The following CCNB3 variants were observed in gnomAD, a reference collection of about 807,000 sequenced individuals.
CCNB3 encodes cyclin B3, also known as G2/mitotic-specific cyclin-B3.
In CCNB3, 12 loss-of-function variants were observed where a neutral mutation model predicts 68.0. The ratio of observed to expected loss-of-function variants is 0.18; its 90% CI spans 0.11 to 0.29. The LOEUF (loss-of-function observed/expected upper bound fraction) is 0.29, where lower values mean the gene tolerates loss of function less well. Ranked by LOEUF, CCNB3 falls within the 10% of genes least tolerant of loss-of-function variation. The pLI, the probability that CCNB3 is intolerant of heterozygous loss-of-function variation, is 1.00. For synonymous variants in CCNB3, 354 were observed against 388.9 expected, an observed-to-expected ratio of 0.91 and a Z score of 1.06; for missense variants, 904 against 993.1, an observed-to-expected ratio of 0.91 and a Z score of 1.21.
chrX:50,325,768 C>T (rs1398225823), intron 8 of CCNB3, among the ~76,000 whole-genome samples: 2 of 111,639 alleles, frequency 1.8e-5, no homozygotes, highest in African/African-American at 3.3e-5. Context: ...TGCAAATGTT[C>T]ATATATATGT....
chrX:50,289,719 TG>T (rs782672790), intron 4 of CCNB3, among the ~76,000 whole-genome samples: 24 of 111,847 alleles, frequency 2.1e-4, no homozygotes, highest in Non-Finnish European at 4.1e-4. Flanking sequence ...ATGTTGGTTT[TG>T]AAGTCTGTAT....
chrX:50,280,005 A>G (rs1369665779), intron 1 of CCNB3, among the ~76,000 whole-genome samples: 1 of 86,244 alleles, frequency 1.2e-5, no homozygotes, highest in Non-Finnish European at 2.1e-5. Flanking sequence ...TATACATAGA[A>G]TATATAAATA....
chrX:50,228,020 G>C (rs1456199652), intron 1 of CCNB3, among the ~76,000 whole-genome samples: 1 of 82,005 alleles, frequency 1.2e-5, no homozygotes, highest in Non-Finnish European at 2.2e-5. Flanking sequence ...TAAATATATA[G>C]AGAGAATATA....
At chrX:50,317,571 T>TATGTATGTATGTATGTATGTATG (rs1557215964) in intron 8 of CCNB3, among the ~76,000 whole-genome samples, 1 of 5,788 alleles carries the variant, frequency 1.7e-4, no homozygotes, top group African/African-American at 6.3e-4. Flanking sequence ...ATGTATGTAT[T>TATGTATGTATGTATGTATGTATG]TATTTATTTA....
chrX:50,280,046 T>C lies in CCNB3; in HGVS notation c.-112-4496T>C, dbSNP rs1207838926. The stretch of plus-strand genomic sequence containing the variant: ...AATATATATAAATATATAGACAGAA[T>C]ATATATAAATATATATGGAATATAT... On this transcript the variant is annotated intron_variant, in intron 1 of 12. Transcript: ENST00000376042. Among the ~76,000 whole-genome samples, 3 of 82,706 alleles carry C rather than the reference T, an allele frequency of 3.6e-5. No homozygotes were observed. The Admixed American group carries it at 4.9e-4, about 13-fold the overall frequency. The allele number at this position is 82,706 out of a possible 115,157, so 71.8% of individuals were successfully genotyped here. A position where few individuals can be genotyped will look rare whatever the true frequency, so the allele number is the denominator to read the frequency against.
chrX:50,285,227 A>G lies in CCNB3; in HGVS notation c.64A>G (p.Ile22Val), dbSNP rs779907429. Residue 22 changes from isoleucine to valine, a missense_variant, in exon 3 of 13, where the codon ATT becomes GTT. Transcript: ENST00000376042. ...GCCTAAGAAATCTCAGTCCAGCAAA[A>G]TTGTGCCCAGTCATCATGACCCATC... ...PVPKKSQSSK[I>V]VPSHHDPSEK... The G allele has an allele frequency of 4.1e-6, 5 of 1,208,131 alleles. No individual in the cohort carries two copies. In the African/African-American group the frequency reaches 8.8e-5, roughly 21 times the overall value.
Position 50,310,887 on chromosome X carries a change from A to G in CCNB3, c.2718A>G (p.Lys906=), listed in dbSNP as rs149989073. The part of the protein sequence containing the change: ...LDLQEKPSIK[K]ETLLKKPLAL... ...TGCAAGAGAAGCCCAGCATTAAGAA[A>G]GAGACCCTCCTCAAAAAGCCATTAG... The change falls in exon 6 of 13, where the codon AAA becomes AAG. Residue 906 remains lysine (K), a synonymous_variant. Transcript: ENST00000376042. 319 of 1,210,534 alleles carry G rather than the reference A, an allele frequency of 2.6e-4. 2 individuals carry two copies. The East Asian group carries it at 8.8e-3, about 33-fold the overall frequency.
Position 50,298,529 on chromosome X carries a change from T to C in CCNB3, c.335+3536T>C, listed in dbSNP as rs1184471373. ...CTTTTTGCTGTGCTGCTGGATTCCTTTTGCCAGTATTTTATTGAGGATTTT... is the reference window on the plus strand; with the variant it reads ...CTTTTTGCTGTGCTGCTGGATTCCTCTTGCCAGTATTTTATTGAGGATTTT... On this transcript the variant is annotated intron_variant, in intron 5 of 12. Coordinates refer to ENST00000376042, the MANE Select transcript of CCNB3 (RefSeq NM_033031.3). Among the ~76,000 whole-genome samples the C allele has an allele frequency of 5.8e-4, 65 of 111,894 alleles. 6 individuals carry two copies.
At chrX:50,348,472 G>T (rs902352510) in intron 11 of CCNB3, among the ~76,000 whole-genome samples, 2 of 111,619 alleles carry the variant, frequency 1.8e-5, no homozygotes, top group Non-Finnish European at 3.8e-5. Flanking sequence ...TAAAAATCCT[G>T]GAGCCACTGA....
At chrX:50,228,707 AATAT>A (rs1303040864) in intron 1 of CCNB3, among the ~76,000 whole-genome samples, 2 of 73,731 alleles carry the variant, frequency 2.7e-5, no homozygotes, top group Non-Finnish European at 4.7e-5. Context: ...ATATATATAG[AATAT>A]ATATAAAGAA....
intron 8 of CCNB3, among the ~76,000 whole-genome samples, chrX:50,338,092 C>T (rs1922943551): frequency 8.9e-6 from 1 of 112,009 alleles, no homozygotes; most frequent in South Asian, 3.8e-4. Flanking sequence ...TCTGGTGAGG[C>T]GTTCCACTGG....
intron 1 of CCNB3, among the ~76,000 whole-genome samples, chrX:50,228,012 AATATATAGAGAGAAT>A (rs1286641699): frequency 3.5e-5 from 3 of 84,859 alleles, no homozygotes; most frequent in East Asian, 3.3e-4. Flanking sequence ...AATATATATA[AATATATAGAGAGAAT>A]ATATATAGAG....
chrX:50,300,444 G>A (rs1272191544), intron 5 of CCNB3, among the ~76,000 whole-genome samples: 14 of 111,616 alleles, frequency 1.3e-4, no homozygotes, highest in Non-Finnish European at 2.1e-4. Flanking sequence ...TTTTCTTTAA[G>A]AATGTTGAAT....
In CCNB3 at chrX:50,309,807, T is replaced by C; in HGVS notation, c.1638T>C (p.Cys546=). ...CCACACAAGAGATGATGTCCATCTGTCCAGAACTGTTGGACTTTCAGGATA... is the reference window on the plus strand; with the variant it reads ...CCACACAAGAGATGATGTCCATCTGCCCAGAACTGTTGGACTTTCAGGATA... The part of the protein sequence containing the change: ...KCTTQEMMSI[C]PELLDFQDMI... Residue 546 remains cysteine (C), a synonymous_variant, in exon 6 of 13, where the codon TGT becomes TGC. Transcript: ENST00000376042. 8.3e-7 allele frequency: 1 copy of C among 1,210,028 alleles called. No individual in the cohort carries two copies. Among genetic ancestry groups the C allele is most frequent in the Non-Finnish European group, 1.1e-6 (1 of 893,968 alleles).
chrX:50,329,080 G>A (rs1177519021), intron 8 of CCNB3, among the ~76,000 whole-genome samples: 5 of 112,329 alleles, frequency 4.5e-5, no homozygotes, highest in African/African-American at 1.3e-4. Flanking sequence ...GTTCAGCCCC[G>A]GTAGCTTCTC....
At chrX:50,343,216 G>C (rs782390508) in intron 9 of CCNB3, among the ~76,000 whole-genome samples, 1 of 109,933 alleles carries the variant, frequency 9.1e-6, no homozygotes, top group South Asian at 4.0e-4. Flanking sequence ...TCTAGGCCTA[G>C]GCTAATGTGT....
Position 50,351,110 on chromosome X carries a change from TGA to T in CCNB3, c.3961-129_3961-128del, listed in dbSNP as rs1195890361. On this transcript the variant is annotated intron_variant, in intron 11 of 12. Coordinates refer to ENST00000376042, the MANE Select transcript of CCNB3 (RefSeq NM_033031.3). ...ATTATTGATCAGCGTCCAGATGGTG[TGA>T]GTCTTTGAAATGTTTTGAATGTCAT... is the stretch of plus-strand genomic sequence containing the variant. The T allele has an allele frequency of 5.8e-6, 4 of 685,124 alleles. No homozygotes were observed. In the African/African-American group the frequency reaches 6.5e-5, roughly 11 times the overall value. The allele number at this position is 685,124 out of a possible 1,213,427, so 56.5% of individuals were successfully genotyped here.
chrX:50,340,231 G>A (rs1300601553), intron 8 of CCNB3, among the ~76,000 whole-genome samples: 2 of 111,640 alleles, frequency 1.8e-5, no homozygotes, highest in Non-Finnish European at 3.8e-5. Flanking sequence ...CCTATACAAG[G>A]GGAGGTCCAC....
rs185377852 is a variant in CCNB3 at position 50,285,144 on chromosome X, C to T, written c.-20C>T. ...GATTACAGCCCTGCCTTGGACAAGA[C>T]GCAGCTGAATCTCTAAGTGATGCTA... On this transcript the variant is annotated 5_prime_UTR_variant, in exon 3 of 13. In the 5' UTR this introduces an upstream ATG that the reference lacks. Transcript: ENST00000376042. The T allele has an allele frequency of 2.1e-4, 239 of 1,144,894 alleles. No individual in the cohort carries two copies. Among genetic ancestry groups the T allele is most frequent in the Non-Finnish European group, 2.6e-4 (220 of 836,363 alleles). 94.4% of individuals were successfully genotyped at this position (1,144,894 alleles called of 1,213,427 possible).
Sources: gnomAD v4.1 joint callset for allele counts (sites outside exome capture counted in the v4.1 genomes callset) on GRCh38, gnomAD v4.1.1 for gene constraint, MANE v1.5 for transcripts, NCBI Gene and HGNC (gene_info 2026-07-23, HGNC 2026-07-21) for gene names.